LRRC37A2: variants seen among roughly 807,000 people sequenced by gnomAD.
LRRC37A2 encodes leucine rich repeat containing 37 member A2.
A neutral mutation model predicts 68.8 loss-of-function variants in LRRC37A2; 9 were observed. That is an observed-to-expected ratio of 0.13 (90% confidence interval 0.08 to 0.23). The LOEUF is 0.23. Ranked by LOEUF, LRRC37A2 falls within the 10% of genes least tolerant of loss-of-function variation. The pLI, the probability that LRRC37A2 is intolerant of heterozygous loss-of-function variation, is 1.00. For synonymous variants in LRRC37A2, 63 were observed against 367.6 expected, an observed-to-expected ratio of 0.17 and a Z score of 9.48; for missense variants, 168 against 950.4, an observed-to-expected ratio of 0.18 and a Z score of 10.82.
the LRRC37A2 span, among the ~76,000 whole-genome samples, chr17:46,718,011 C>T: frequency 1.3e-5 from 2 of 152,188 alleles, no homozygotes; most frequent in African/African-American, 2.4e-5. Context: ...GTAGCCTGCT[C>T]ATCATCCTGA....
the LRRC37A2 span, among the ~76,000 whole-genome samples, chr17:47,023,722 G>A: frequency 5.3e-5 from 8 of 152,082 alleles, no homozygotes; most frequent in Admixed American, 2.6e-4. Flanking sequence ...AGCCTCCCGC[G>A]TAGCTGGAAT....
chr17:46,752,935 T>A, the LRRC37A2 span, among the ~76,000 whole-genome samples: 1 of 152,090 alleles, frequency 6.6e-6, no homozygotes, highest in South Asian at 2.1e-4. Flanking sequence ...GCCTGGCTAA[T>A]TTTTTGTATT....
chr17:46,842,145 G>A, the LRRC37A2 span, among the ~76,000 whole-genome samples: 1 of 152,330 alleles, frequency 6.6e-6, no homozygotes, highest in Non-Finnish European at 1.5e-5. Flanking sequence ...GGGATTAAAG[G>A]CTTGGGAAGT....
the LRRC37A2 span, chr17:46,755,257 G>C: frequency 1.5e-6 from 2 of 1,319,732 alleles, no homozygotes; most frequent in East Asian, 4.6e-5. Context: ...CATGAAGCAA[G>C]TGCAGAGTTG....
At chr17:46,460,700 T>C in the LRRC37A2 span, among the ~76,000 whole-genome samples, 1 of 62,884 alleles carries the variant, frequency 1.6e-5, no homozygotes, top group African/African-American at 7.0e-5. Flanking sequence ...TGAGTTTAAA[T>C]AGCAGGTTAG....
chr17:46,813,578 A>T, the LRRC37A2 span, among the ~76,000 whole-genome samples: 1 of 151,904 alleles, frequency 6.6e-6, no homozygotes, highest in African/African-American at 2.4e-5. Context: ...GGCTCACATC[A>T]GGGTAGGTGG....
chr17:47,028,276 T>C, the LRRC37A2 span: 90 of 1,481,622 alleles, frequency 6.1e-5, 1 homozygote, highest in East Asian at 1.6e-3. Flanking sequence ...TTTTTTTTTT[T>C]TAGAAATCTT....
At chr17:46,781,625 A>G in the LRRC37A2 span, among the ~76,000 whole-genome samples, 9 of 152,338 alleles carry the variant, frequency 5.9e-5, no homozygotes, top group African/African-American at 1.9e-4. Context: ...CTTAATAAGT[A>G]CAGAGTTTGG....
the LRRC37A2 span, among the ~76,000 whole-genome samples, chr17:46,954,103 C>T: frequency 6.6e-5 from 10 of 152,156 alleles, no homozygotes; most frequent in Non-Finnish European, 1.5e-4. Context: ...GACATGAAGT[C>T]CTTGCCCATG....
chr17:46,753,651 T>C, the LRRC37A2 span, among the ~76,000 whole-genome samples: 5 of 152,210 alleles, frequency 3.3e-5, no homozygotes, highest in South Asian at 2.1e-4. Context: ...GTGGATTTTT[T>C]CCCCAACCCT....
the LRRC37A2 span, among the ~76,000 whole-genome samples, chr17:46,837,601 A>G: frequency 6.6e-6 from 1 of 152,102 alleles, no homozygotes. Context: ...GTCCTAATAA[A>G]CGCTAGAGGT....
the LRRC37A2 span, among the ~76,000 whole-genome samples, chr17:46,819,392 T>A: frequency 7.2e-4 from 109 of 152,284 alleles, no homozygotes; most frequent in African/African-American, 2.5e-3. This position sits in a 1 kb window ranked among gnomAD's most constrained non-coding sequence, Gnocchi z 5.3. Context: ...CGGGACCTCC[T>A]GCTGCCTTTG....
chr17:46,807,609 C>A, the LRRC37A2 span, among the ~76,000 whole-genome samples: 2 of 152,328 alleles, frequency 1.3e-5, no homozygotes, highest in East Asian at 3.9e-4. Context: ...TTCGCATGTG[C>A]CTTGCTTCTT....
chr17:46,714,544 G>A, the LRRC37A2 span, among the ~76,000 whole-genome samples: 1 of 152,148 alleles, frequency 6.6e-6, no homozygotes, highest in East Asian at 1.9e-4. Context: ...TCTACCATCA[G>A]TGAAGTTAGA....
At chr17:47,000,660 G>T in the LRRC37A2 span, among the ~76,000 whole-genome samples, 106,302 of 151,932 alleles carry the variant, frequency 0.7, 37,825 homozygotes, top group Middle Eastern at 0.78. Flanking sequence ...CCCTTCAGTA[G>T]GTCATTTTCT....
the LRRC37A2 span, among the ~76,000 whole-genome samples, chr17:46,801,319 G>A: frequency 5.5e-4 from 84 of 152,252 alleles, no homozygotes; most frequent in African/African-American, 1.9e-3. Context: ...TAATTAGACC[G>A]TTTAAAAATG....
At chr17:46,526,379 A>T (rs1376682763) in intron 6 of LRRC37A2, among the ~76,000 whole-genome samples, 1 of 98,924 alleles carries the variant, frequency 1.0e-5, no homozygotes, top group Non-Finnish European at 2.2e-5. Flanking sequence ...ACACAAGTTT[A>T]TAAAAAACAA....
chr17:46,771,881 CGCCCCCGCCCCT>C, the LRRC37A2 span, among the ~76,000 whole-genome samples: 306 of 144,880 alleles, frequency 2.1e-3, no homozygotes, highest in African/African-American at 7.3e-3. Flanking sequence ...CTCCGGCGCC[CGCCCCCGCCCCT>C]GCCCCCGCCC....
At chr17:46,710,262 T>C in the LRRC37A2 span, among the ~76,000 whole-genome samples, 1 of 152,242 alleles carries the variant, frequency 6.6e-6, no homozygotes, top group Non-Finnish European at 1.5e-5. Flanking sequence ...AGTTATTGAC[T>C]ACTTTTGGCA....
Sources: allele counts gnomAD v4.1 joint callset (sites outside exome capture counted in the v4.1 genomes callset), GRCh38; gene constraint gnomAD v4.1.1; non-coding constraint Gnocchi (gnomAD v3.1); transcripts MANE v1.5; gene names NCBI Gene and HGNC (gene_info 2026-07-23, HGNC 2026-07-21).